IHO1: variants seen among roughly 807,000 people sequenced by gnomAD.
IHO1 encodes the protein interactor of HORMAD1 1.
Under a neutral mutation model 31.0 loss-of-function variants are expected in IHO1, and 13 were observed. The observed-to-expected ratio is 0.42, with a 90% CI of 0.27 to 0.67. The LOEUF (loss-of-function observed/expected upper bound fraction) is 0.67, where lower values mean the gene tolerates loss of function less well. IHO1 is among the 30% of genes least tolerant of loss of function. The pLI is 0.24. For synonymous variants in IHO1, 221 were observed against 248.4 expected, an observed-to-expected ratio of 0.89 and a Z score of 1.04; for missense variants, 599 against 687.5, an observed-to-expected ratio of 0.87 and a Z score of 1.44.
intron 6 of IHO1, among the ~76,000 whole-genome samples, chr3:49,254,737 A>C (rs1250363947): frequency 6.6e-6 from 1 of 152,076 alleles, no homozygotes; most frequent in Non-Finnish European, 1.5e-5. Context: ...TTAAAGATTT[A>C]GATTTTGTTC....
chr3:49,244,828 CTCACAGGGTT>C (rs1298764910), intron 6 of IHO1, 95 bp downstream of exon 6: 1 of 1,069,908 alleles, frequency 9.3e-7, no homozygotes, highest in Non-Finnish European at 1.5e-6. Context: ...GGTGAGGTTC[CTCACAGGGTT>C]TCAGATGAGA....
intron 2 of IHO1, chr3:49,228,438 AT>A (rs1469029959): frequency 2.6e-6 from 1 of 377,424 alleles, no homozygotes; most frequent in East Asian, 8.6e-5. Flanking sequence ...GGTGCCCGGT[AT>A]TTAGCCCCTG....
At chr3:49,252,630 C>T (rs532934032) in intron 6 of IHO1, among the ~76,000 whole-genome samples, 20 of 152,196 alleles carry the variant, frequency 1.3e-4, no homozygotes, top group African/African-American at 4.6e-4. Flanking sequence ...CTATGTTGCC[C>T]AGGCTGGTCT....
chr3:49,199,240 T>A (rs999947618), upstream of IHO1: 3 of 152,582 alleles, frequency 2.0e-5, no homozygotes, highest in Non-Finnish European at 4.4e-5. Flanking sequence ...GCAGGCAGCT[T>A]GGCGGGGCCC....
intron 2 of IHO1, among the ~76,000 whole-genome samples, chr3:49,219,654 G>A (rs982131026): frequency 2.6e-5 from 4 of 152,118 alleles, no homozygotes; most frequent in Admixed American, 6.6e-5. Context: ...TCAGCAAGTG[G>A]TGCCCATACG....
At chr3:49,236,380 A>T (rs1417068063) in intron 2 of IHO1, among the ~76,000 whole-genome samples, 168 bp from the exon 3 acceptor site, 1 of 152,184 alleles carries the variant, frequency 6.6e-6, no homozygotes, top group Non-Finnish European at 1.5e-5. Context: ...AATGTGTGGT[A>T]TTCAGAATTT....
upstream of IHO1, among the ~76,000 whole-genome samples, chr3:49,197,901 A>C (rs981849021): frequency 2.6e-5 from 4 of 151,912 alleles, no homozygotes; most frequent in Non-Finnish European, 4.4e-5. Flanking sequence ...AAAAAGAAGA[A>C]GAAGATAGTA....
At chr3:49,196,502 A>C (rs1442881786), upstream of IHO1, among the ~76,000 whole-genome samples, 2 of 109,846 alleles carry the variant, frequency 1.8e-5, no homozygotes, top group African/African-American at 7.1e-5. Flanking sequence ...TCTTTTTTTG[A>C]GGTGAAGTCT....
At chr3:49,226,777 C>T (rs1413029683) in intron 2 of IHO1, among the ~76,000 whole-genome samples, 1 of 152,172 alleles carries the variant, frequency 6.6e-6, no homozygotes, top group Non-Finnish European at 1.5e-5. Flanking sequence ...AGGGTCTGCC[C>T]TAAACCCTGT....
At chr3:49,240,567 C>T (rs1031657749) in intron 3 of IHO1, among the ~76,000 whole-genome samples, 2 of 152,142 alleles carry the variant, frequency 1.3e-5, no homozygotes, top group Admixed American at 1.3e-4. Flanking sequence ...TCACATTGGT[C>T]AGGTTGGTCT....
intron 2 of IHO1, among the ~76,000 whole-genome samples, chr3:49,230,559 A>C (rs1191317646): frequency 6.6e-6 from 1 of 152,178 alleles, no homozygotes; most frequent in Admixed American, 6.5e-5. Flanking sequence ...ACTTGTAAAA[A>C]ATTTTCACAG....
rs901419621 is a variant in IHO1 at position 49,256,081 on chromosome 3, G to A, written c.637-53G>A. 2.1e-6 allele frequency: 3 copies of A among 1,448,424 alleles called. No individual in the cohort carries two copies. Among genetic ancestry groups the A allele is most frequent in the East Asian group, 4.6e-5 (2 of 43,844 alleles). 89.7% of individuals were successfully genotyped at this position (1,448,424 alleles called of 1,614,324 possible). A position where few individuals can be genotyped will look rare whatever the true frequency, so the allele number is the denominator to read the frequency against. On this transcript the variant is annotated intron_variant, in intron 7 of 7. Coordinates refer to ENST00000452691, the MANE Select transcript of IHO1 (RefSeq NM_001135197.2). The surrounding 1 kb of genome is among the most constrained non-coding windows in gnomAD (Gnocchi z 4.6). ...TTGGTCTGTTCTCATGTTTTATTGTGCTTTCTGACTTGCACTGTCCATCAC... is the reference window on the plus strand; with the variant it reads ...TTGGTCTGTTCTCATGTTTTATTGTACTTTCTGACTTGCACTGTCCATCAC...
chr3:49,200,339 C>T (rs924637752), intron 1 of IHO1, among the ~76,000 whole-genome samples: 1 of 151,724 alleles, frequency 6.6e-6, no homozygotes, highest in East Asian at 1.9e-4. Context: ...GTGGCGCATG[C>T]CTGTAATCCC....
intron 6 of IHO1, among the ~76,000 whole-genome samples, chr3:49,251,547 G>C (rs758605956): frequency 2.0e-5 from 3 of 152,044 alleles, no homozygotes; most frequent in Non-Finnish European, 4.4e-5. Context: ...CCTCCCCAAA[G>C]TGCTGGGATT....
At chr3:49,222,751 A>G (rs1380255075) in intron 2 of IHO1, among the ~76,000 whole-genome samples, 1 of 152,202 alleles carries the variant, frequency 6.6e-6, no homozygotes, top group African/African-American at 2.4e-5. Context: ...TTTCCTTTCA[A>G]AATAGGAGAT....
intron 1 of IHO1, among the ~76,000 whole-genome samples, chr3:49,208,591 C>A (rs1410111084): frequency 1.3e-5 from 2 of 152,220 alleles, no homozygotes; most frequent in Non-Finnish European, 2.9e-5. Context: ...CCCTAGGACT[C>A]AAGGTCAGAG....
chr3:49,217,489 G>A (rs1386708717), intron 2 of IHO1, among the ~76,000 whole-genome samples: 5 of 147,624 alleles, frequency 3.4e-5, no homozygotes, highest in Middle Eastern at 3.4e-3. Context: ...TGGTTGGGGG[G>A]TGGGGGGCTG....
chr3:49,208,453 T>G (rs2046168442), intron 1 of IHO1, among the ~76,000 whole-genome samples: 1 of 152,218 alleles, frequency 6.6e-6, no homozygotes, highest in South Asian at 2.1e-4. Context: ...GAGACTCTAA[T>G]GCCTGATGAT....
intron 4 of IHO1, among the ~76,000 whole-genome samples, chr3:49,244,170 G>A (rs1239974208): frequency 6.6e-6 from 1 of 151,892 alleles, no homozygotes; most frequent in Non-Finnish European, 1.5e-5. Context: ...GGCCAGGCTG[G>A]TCTTGAACTC....
Sources: allele counts gnomAD v4.1 joint callset (sites outside exome capture counted in the v4.1 genomes callset), GRCh38; gene constraint gnomAD v4.1.1; non-coding constraint Gnocchi (gnomAD v3.1); transcripts MANE v1.5; gene names NCBI Gene and HGNC (gene_info 2026-07-23, HGNC 2026-07-21).